ASIC2: variants seen among roughly 807,000 people sequenced by gnomAD.
The protein encoded by ASIC2 is acid-sensing ion channel 2.
Under a neutral mutation model 57.3 loss-of-function variants are expected in ASIC2, and 25 were observed. That is an observed-to-expected ratio of 0.44 (90% CI 0.32 to 0.61). ASIC2 has a LOEUF of 0.61. Among genes scored for constraint, ASIC2 ranks in the 20% least tolerant of loss-of-function variants. ASIC2 has a pLI of 0.06. For missense variants in ASIC2, 641 were observed against 738.1 expected, an observed-to-expected ratio of 0.87 and a Z score of 1.52; for synonymous variants, 319 against 307.5, an observed-to-expected ratio of 1.04 and a Z score of -0.39.
At chr17:33,857,179 G>A (rs1211585992) in intron 1 of ASIC2, among the ~76,000 whole-genome samples, 6 of 152,084 alleles carry the variant, frequency 3.9e-5, no homozygotes, top group Admixed American at 3.9e-4. Flanking sequence ...CCATGCCCTC[G>A]GCCCCTTTCT....
intron 3 of ASIC2, among the ~76,000 whole-genome samples, chr17:33,036,193 G>C (rs1043977888): frequency 6.6e-6 from 1 of 152,228 alleles, no homozygotes; most frequent in South Asian, 2.1e-4. Flanking sequence ...ATATTTGCAG[G>C]GCTCTTTTTT....
intron 1 of ASIC2, among the ~76,000 whole-genome samples, chr17:33,523,382 G>A (rs981157548): frequency 2.0e-5 from 3 of 152,048 alleles, no homozygotes; most frequent in African/African-American, 7.2e-5. Context: ...TCAGCCTCCC[G>A]AGTAGCTGGA....
At chr17:33,755,003 G>A (rs1910552453) in intron 1 of ASIC2, among the ~76,000 whole-genome samples, 2 of 132,588 alleles carry the variant, frequency 1.5e-5, no homozygotes, top group South Asian at 4.7e-4. Context: ...TAGACAGTGA[G>A]AATGTTGCCT....
intron 1 of ASIC2, among the ~76,000 whole-genome samples, chr17:33,321,974 G>C (rs1195306529): frequency 6.6e-6 from 1 of 152,218 alleles, no homozygotes; most frequent in Non-Finnish European, 1.5e-5. Context: ...GTCTACCTGA[G>C]ACGCCATGGC....
chr17:33,153,941 C>G (rs1282781537), intron 1 of ASIC2, among the ~76,000 whole-genome samples: 1 of 152,190 alleles, frequency 6.6e-6, no homozygotes, highest in Non-Finnish European at 1.5e-5. Flanking sequence ...CCTGTTGGGT[C>G]TGGCAAATCA....
At chr17:34,033,389 C>T (rs1485091480) in intron 1 of ASIC2, among the ~76,000 whole-genome samples, 2 of 152,002 alleles carry the variant, frequency 1.3e-5, no homozygotes, top group Non-Finnish European at 2.9e-5. Context: ...ATTTATAGCA[C>T]TAAATGCCCA....
At chr17:33,862,139 A>T (rs1490961378) in intron 1 of ASIC2, among the ~76,000 whole-genome samples, 1 of 152,204 alleles carries the variant, frequency 6.6e-6, no homozygotes. Context: ...AAGAGGCCCC[A>T]TCCTTCAATG....
chr17:33,625,931 A>G (rs964218130), intron 1 of ASIC2, among the ~76,000 whole-genome samples: 1 of 152,212 alleles, frequency 6.6e-6, no homozygotes, highest in Non-Finnish European at 1.5e-5. Context: ...CCAACCAACC[A>G]ACCTCCTCTT....
In ASIC2 at chr17:33,611,540, G is replaced by A. The variant is rs538239697; in HGVS notation, c.556-499473C>T. Among the ~76,000 whole-genome samples the A allele has an allele frequency of 5.9e-5, 9 of 152,312 alleles. No homozygotes were observed. In the South Asian group the frequency reaches 1.9e-3, roughly 32 times the overall value. On this transcript the variant is annotated intron_variant, in intron 1 of 9. Transcript: ENST00000359872. ...CTGGTCTGTAGGTTGACTGAAGTTT[G>A]GCTGATCTGGGCTAGGCTAGGCAGG...
intron 1 of ASIC2, among the ~76,000 whole-genome samples, chr17:33,289,827 C>T (rs1409669054): frequency 6.6e-6 from 1 of 152,160 alleles, no homozygotes; most frequent in Non-Finnish European, 1.5e-5. Flanking sequence ...AAACTTGGAG[C>T]AGGAGCGAGG....
At chr17:33,236,964 A>G (rs1908317533) in intron 1 of ASIC2, among the ~76,000 whole-genome samples, 1 of 152,176 alleles carries the variant, frequency 6.6e-6, no homozygotes, top group Non-Finnish European at 1.5e-5. Context: ...GTTTGAAGCC[A>G]CATGTTTTGT....
At chr17:33,848,195 T>C (rs1399513556) in intron 1 of ASIC2, among the ~76,000 whole-genome samples, 1 of 152,102 alleles carries the variant, frequency 6.6e-6, no homozygotes, top group Non-Finnish European at 1.5e-5. Context: ...CACTGCAGCC[T>C]TTGCCAGAAA....
intron 1 of ASIC2, among the ~76,000 whole-genome samples, chr17:33,589,279 G>T (rs1293236156): frequency 6.6e-6 from 1 of 152,192 alleles, no homozygotes; most frequent in Admixed American, 6.5e-5. Context: ...GACACTATCA[G>T]GCTGGGGCCA....
intron 1 of ASIC2, among the ~76,000 whole-genome samples, chr17:33,405,181 A>T (rs1047510174): frequency 6.6e-6 from 1 of 152,076 alleles, no homozygotes; most frequent in Admixed American, 6.6e-5. Context: ...ATATCTCCAG[A>T]GTTGGAATGA....
chr17:33,286,294 T>A (rs1905183052), intron 1 of ASIC2, among the ~76,000 whole-genome samples: 1 of 152,068 alleles, frequency 6.6e-6, no homozygotes, highest in Admixed American at 6.5e-5. Context: ...GCAGAGGGGG[T>A]TGGGCAATAG....
chr17:33,645,174 A>G (rs183932482), intron 1 of ASIC2, among the ~76,000 whole-genome samples: 2 of 152,352 alleles, frequency 1.3e-5, no homozygotes, highest in Admixed American at 1.3e-4. Flanking sequence ...GGTGAGCTCC[A>G]TGAGCAAAAC....
chr17:33,979,418 C>A (rs1905525619), intron 1 of ASIC2, among the ~76,000 whole-genome samples: 1 of 152,096 alleles, frequency 6.6e-6, no homozygotes, highest in African/African-American at 2.4e-5. Flanking sequence ...CTCCACCAAG[C>A]CCAGGAGTGG....
At chr17:33,590,448 G>A (rs573923565) in intron 1 of ASIC2, among the ~76,000 whole-genome samples, 183 of 152,212 alleles carry the variant, frequency 1.2e-3, no homozygotes, top group Middle Eastern at 3.4e-3. Flanking sequence ...ATCATGGTGA[G>A]GAACAGGTTT....
chr17:33,336,600 T>G (rs185192195), intron 1 of ASIC2, among the ~76,000 whole-genome samples: 19 of 151,926 alleles, frequency 1.3e-4, no homozygotes, highest in East Asian at 9.7e-4. Flanking sequence ...GTGGGGAGGG[T>G]ATCGTTTAGT....
Sources: allele counts gnomAD v4.1 joint callset (sites outside exome capture counted in the v4.1 genomes callset), GRCh38; gene constraint gnomAD v4.1.1; transcripts MANE v1.5; gene names NCBI Gene and HGNC (gene_info 2026-07-23, HGNC 2026-07-21).